Variants in PDE4D observed in about 807,000 individuals in gnomAD.
The protein encoded by PDE4D is 3',5'-cyclic-AMP phosphodiesterase 4D.
A neutral mutation model predicts 87.4 loss-of-function variants in PDE4D; 24 were observed. That is an observed-to-expected ratio of 0.27 (90% confidence interval 0.20 to 0.39). The LOEUF is 0.39. Among genes scored for constraint, PDE4D ranks in the 10% least tolerant of loss-of-function variants. The pLI is 1.00. For missense variants in PDE4D, 714 were observed against 1,041.0 expected (o/e 0.69, Z 4.32); for synonymous variants, 384 against 383.2 (o/e 1.00, Z -0.02).
At chr5:59,819,735 G>C (rs971712243) in intron 1 of PDE4D, among the ~76,000 whole-genome samples, 5 of 152,212 alleles carry the variant, frequency 3.3e-5, no homozygotes, top group African/African-American at 1.2e-4. Flanking sequence ...CCTTTAGCAA[G>C]ACTATTTGGA....
chr5:60,439,193 G>A, intron 1 of PDE4D, among the ~76,000 whole-genome samples: 1 of 152,090 alleles, frequency 6.6e-6, no homozygotes, highest in East Asian at 1.9e-4. Flanking sequence ...GGCTTAATTA[G>A]GGACCATTGT....
At chr5:60,521,056 A>G (rs1751020785) in intron 1 of PDE4D, 1 of 152,368 alleles carries the variant, frequency 6.6e-6, no homozygotes, top group African/African-American at 2.4e-5. Context: ...ACTCGTCATT[A>G]ACACCTACTC....
chr5:60,495,598 A>G lies in PDE4D; in HGVS notation n.70+26453T>C, dbSNP rs141596882. Among the ~76,000 whole-genome samples, 32 of 152,376 alleles carry G rather than the reference A, an allele frequency of 2.1e-4. No individual in the cohort carries two copies. The East Asian group carries it at 5.6e-3, about 27-fold the overall frequency. ...TGCTTGCTAGCTAGCATTATTACCA[A>G]TCAGAATCAATCCCAACTTCATAGA... On this transcript the variant is annotated intron_variant and non_coding_transcript_variant, in intron 1 of 2. Transcript: ENST00000506510.
At chr5:59,574,079 TA>T (rs368083156) in intron 1 of PDE4D, among the ~76,000 whole-genome samples, 1,942 of 114,334 alleles carry the variant, frequency 0.017, 66 homozygotes, top group East Asian at 0.088. Flanking sequence ...TATTTATATA[TA>T]TATTTATATA....
chr5:60,514,544 T>C (rs1750711028), intron 1 of PDE4D, among the ~76,000 whole-genome samples: 1 of 152,074 alleles, frequency 6.6e-6, no homozygotes, highest in Non-Finnish European at 1.5e-5. Context: ...ACATTCAAAA[T>C]ATCAATTTAA....
At chr5:59,748,202 A>C (rs1239734705) in intron 1 of PDE4D, among the ~76,000 whole-genome samples, 1 of 152,172 alleles carries the variant, frequency 6.6e-6, no homozygotes, top group Admixed American at 6.6e-5. Context: ...GTTGCTGCCA[A>C]GTCTGGGTCA....
At chr5:58,997,685 G>A (rs1370718781) in intron 6 of PDE4D, among the ~76,000 whole-genome samples, 1 of 151,916 alleles carries the variant, frequency 6.6e-6, no homozygotes, top group East Asian at 1.9e-4. Context: ...AAAAACGGGA[G>A]GATTTCTAAG....
intron 1 of PDE4D, chr5:60,303,931 T>C (rs999532551): frequency 2.6e-5 from 4 of 152,224 alleles, no homozygotes; most frequent in Non-Finnish European, 4.4e-5. Flanking sequence ...GGAGTCTGTC[T>C]CTTTGTAAGT....
intron 1 of PDE4D, among the ~76,000 whole-genome samples, chr5:60,413,938 T>G (rs1412330741): frequency 6.6e-6 from 1 of 152,202 alleles, no homozygotes; most frequent in Non-Finnish European, 1.5e-5. Context: ...TGTCAAACTT[T>G]TTACAGTTCT....
At chr5:59,735,613 T>C (rs1324627992) in intron 1 of PDE4D, among the ~76,000 whole-genome samples, 2 of 152,232 alleles carry the variant, frequency 1.3e-5, no homozygotes, top group African/African-American at 4.8e-5. Flanking sequence ...GGAATAGATT[T>C]AGTTTTTCTA....
At chr5:59,376,668 G>A (rs1268911773) in intron 1 of PDE4D, among the ~76,000 whole-genome samples, 3 of 152,072 alleles carry the variant, frequency 2.0e-5, no homozygotes, top group Non-Finnish European at 4.4e-5. Context: ...ATTCTTCACA[G>A]AACTAGAAAA....
intron 2 of PDE4D, among the ~76,000 whole-genome samples, chr5:60,158,024 A>G (rs1782142185): frequency 6.6e-6 from 1 of 151,922 alleles, no homozygotes; most frequent in South Asian, 2.1e-4. Flanking sequence ...ATGGAAAAAA[A>G]TGGTGCTAAT....
chr5:60,367,795 A>T (rs1760685005), intron 1 of PDE4D, among the ~76,000 whole-genome samples: 1 of 152,210 alleles, frequency 6.6e-6, no homozygotes, highest in Admixed American at 6.5e-5. Flanking sequence ...TCAGAAGGAC[A>T]CAGCTCAAGT....
intron 1 of PDE4D, among the ~76,000 whole-genome samples, chr5:59,269,552 G>A (rs1043122355): frequency 6.6e-6 from 1 of 152,016 alleles, no homozygotes; most frequent in Non-Finnish European, 1.5e-5. Flanking sequence ...CCGCGGTAAG[G>A]CAGCACTGCA....
At chr5:60,024,925 T>C (rs932771824) in intron 2 of PDE4D, among the ~76,000 whole-genome samples, 2 of 152,084 alleles carry the variant, frequency 1.3e-5, no homozygotes, top group African/African-American at 4.8e-5. Context: ...TGAAGTATCA[T>C]CAAGGTTTGT....
chr5:60,138,576 C>A (rs1194376834), intron 2 of PDE4D, among the ~76,000 whole-genome samples: 2 of 152,072 alleles, frequency 1.3e-5, no homozygotes, highest in African/African-American at 4.8e-5. Context: ...AACACTGAGG[C>A]AGACTGAAAC....
At chr5:59,278,355 G>A (rs1274876805) in intron 1 of PDE4D, among the ~76,000 whole-genome samples, 1 of 152,090 alleles carries the variant, frequency 6.6e-6, no homozygotes, top group Non-Finnish European at 1.5e-5. Flanking sequence ...TGAATATGGG[G>A]AGACTGGATT....
chr5:59,997,367 A>G (rs1230546940), intron 2 of PDE4D, among the ~76,000 whole-genome samples: 1 of 152,202 alleles, frequency 6.6e-6, no homozygotes. Context: ...TCACTTGAGG[A>G]ACCAGGGGTC....
At chr5:59,612,667 G>A (rs1403513742) in intron 1 of PDE4D, among the ~76,000 whole-genome samples, 5 of 152,116 alleles carry the variant, frequency 3.3e-5, no homozygotes, top group Non-Finnish European at 5.9e-5. Flanking sequence ...GGAATGCCAG[G>A]AACAGGCATG....
Sources: allele counts gnomAD v4.1 joint callset (sites outside exome capture counted in the v4.1 genomes callset), GRCh38; gene constraint gnomAD v4.1.1; transcripts MANE v1.5; gene names NCBI Gene and HGNC (gene_info 2026-07-23, HGNC 2026-07-21).